The following EVI5 variants were observed in gnomAD, a reference collection of about 807,000 sequenced individuals.
The protein encoded by EVI5 is ecotropic viral integration site 5, also known as ecotropic viral integration site 5 protein homolog.
EVI5 carries 73 observed loss-of-function variants against 112.0 expected under a neutral mutation model. That is an observed-to-expected ratio of 0.65 (90% CI 0.54 to 0.79). The LOEUF is 0.79. Among genes scored for constraint, EVI5 ranks in the 30% least tolerant of loss-of-function variants. The probability of loss-of-function intolerance (pLI) is 0.00; values close to 1 mark genes in which losing one functional copy is unlikely to be tolerated. For missense variants in EVI5, 900 were observed against 968.8 expected (o/e 0.93, Z 0.94); for synonymous variants, 305 against 319.9 (o/e 0.95, Z 0.50).
At chr1:92,628,088 G>A (rs924150527) in intron 14 of EVI5, among the ~76,000 whole-genome samples, 1 of 152,084 alleles carries the variant, frequency 6.6e-6, no homozygotes, top group Admixed American at 6.6e-5. Flanking sequence ...GCACCCAGCC[G>A]ATGTTTAGTA....
intron 19 of EVI5, among the ~76,000 whole-genome samples, chr1:92,535,794 G>A (rs1344582201): frequency 1.3e-5 from 2 of 152,088 alleles, no homozygotes; most frequent in Non-Finnish European, 2.9e-5. Context: ...AGCATTAGGA[G>A]AAATACCTAA....
At chr1:92,552,347 A>C (rs1056791704) in intron 19 of EVI5, among the ~76,000 whole-genome samples, 2 of 152,182 alleles carry the variant, frequency 1.3e-5, no homozygotes, top group African/African-American at 4.8e-5. Flanking sequence ...AGGATATAAC[A>C]ACCATTAATT....
intron 13 of EVI5, among the ~76,000 whole-genome samples, chr1:92,660,002 G>T (rs554708435): frequency 6.6e-6 from 1 of 151,914 alleles, no homozygotes; most frequent in South Asian, 2.1e-4. Flanking sequence ...ATTGCATACC[G>T]TCACTTATAA....
At chr1:92,613,662 C>G (rs1248770046) in intron 16 of EVI5, among the ~76,000 whole-genome samples, 5 of 152,122 alleles carry the variant, frequency 3.3e-5, no homozygotes, top group Non-Finnish European at 7.3e-5. Flanking sequence ...TGTCATAGTT[C>G]ACTACAGCCT....
intron 14 of EVI5, among the ~76,000 whole-genome samples, chr1:92,632,641 T>A (rs1030425426): frequency 2.6e-5 from 4 of 152,208 alleles, no homozygotes; most frequent in African/African-American, 7.2e-5. Context: ...GATTCATTGA[T>A]TTTTTGAAGG....
Position 92,741,662 on chromosome 1 carries a change from T to C in EVI5, c.-81-5035A>G, listed in dbSNP as rs112278595. ...TGTGGAGTTAGCTTGTTTTATAATATAAAGGCTGATCTGACAACTCAGTAT... is the reference window on the plus strand; with the variant it reads ...TGTGGAGTTAGCTTGTTTTATAATACAAAGGCTGATCTGACAACTCAGTAT... On this transcript the variant is annotated intron_variant, in intron 1 of 19. Coordinates refer to ENST00000684568, the MANE Select transcript of EVI5 (RefSeq NM_001350197.2). Among the ~76,000 whole-genome samples, 59 of 152,324 alleles carry C rather than the reference T, an allele frequency of 3.9e-4. 1 individual carries two copies. The highest frequency in any genetic ancestry group is 1.4e-3 in the African/African-American group (58 of 41,576).
At chr1:92,709,597 G>T (rs1304010531) in intron 2 of EVI5, among the ~76,000 whole-genome samples, 1 of 152,040 alleles carries the variant, frequency 6.6e-6, no homozygotes, top group Non-Finnish European at 1.5e-5. Context: ...ATTCTCTAAA[G>T]AAAAACTTTA....
At chr1:92,591,048 C>T (rs1557855220) in intron 18 of EVI5, among the ~76,000 whole-genome samples, 1 of 152,156 alleles carries the variant, frequency 6.6e-6, no homozygotes. Context: ...AAATCCTTTA[C>T]AGACAAGCAA....
At chr1:92,531,929 C>A (rs1288547983) in intron 19 of EVI5, among the ~76,000 whole-genome samples, 1 of 152,168 alleles carries the variant, frequency 6.6e-6, no homozygotes, top group African/African-American at 2.4e-5. Context: ...ATCAAATTCA[C>A]ACATAACAAT....
At chr1:92,694,623 T>C (rs1670017625) in intron 7 of EVI5, among the ~76,000 whole-genome samples, 1 of 152,134 alleles carries the variant, frequency 6.6e-6, no homozygotes. Context: ...TATAAATAAA[T>C]GGGCAGGGTT....
At chr1:92,578,643 G>A (rs190338110) in intron 18 of EVI5, among the ~76,000 whole-genome samples, 2 of 151,630 alleles carry the variant, frequency 1.3e-5, no homozygotes, top group South Asian at 4.2e-4. Context: ...GCGTGAACCC[G>A]GAAGGCAGAG....
intron 9 of EVI5, among the ~76,000 whole-genome samples, chr1:92,683,882 C>T (rs1391363021): frequency 6.6e-6 from 1 of 151,974 alleles, no homozygotes; most frequent in Non-Finnish European, 1.5e-5. Flanking sequence ...AACAAAGACT[C>T]CAAGAAATAT....
At chr1:92,614,704 C>G (rs1179010212) in intron 16 of EVI5, among the ~76,000 whole-genome samples, 3 of 151,750 alleles carry the variant, frequency 2.0e-5, no homozygotes, top group Non-Finnish European at 2.9e-5. Context: ...GCTCTCCTTG[C>G]TCCTCATCTT....
intron 1 of EVI5, among the ~76,000 whole-genome samples, chr1:92,773,320 T>C (rs1220906002): frequency 2.6e-5 from 4 of 152,132 alleles, no homozygotes; most frequent in African/African-American, 9.7e-5. Flanking sequence ...GAACTACTGA[T>C]ATGTACAAGA....
chr1:92,641,232 TTATCTC>T (rs1219956045), intron 13 of EVI5, among the ~76,000 whole-genome samples: 3 of 152,206 alleles, frequency 2.0e-5, no homozygotes, highest in African/African-American at 7.2e-5. Context: ...TTTAAAATGT[TTATCTC>T]TATATATACT....
chr1:92,517,746 T>C (rs1394634162), intron 19 of EVI5, among the ~76,000 whole-genome samples: 2 of 152,292 alleles, frequency 1.3e-5, no homozygotes, highest in East Asian at 3.9e-4. Flanking sequence ...CTGATGCACA[T>C]CTCAGAATAG....
Position 92,590,134 on chromosome 1 carries a change from C to T in EVI5, c.2070+15173G>A, listed in dbSNP as rs549376303. ...ATCTGTACGTCACCATCATCGAAGA[C>T]CAAACGTAGATAAAACCACAAAGAT... On this transcript the variant is annotated intron_variant, in intron 18 of 19. Coordinates refer to ENST00000684568, the MANE Select transcript of EVI5 (RefSeq NM_001350197.2). Among the ~76,000 whole-genome samples, 18 of 152,232 alleles carry T rather than the reference C, an allele frequency of 1.2e-4. 1 individual carries two copies. Among genetic ancestry groups the T allele is most frequent in the Middle Eastern group, 3.4e-3 (1 of 294 alleles).
At chr1:92,676,820 C>T (rs1187036714) in intron 10 of EVI5, among the ~76,000 whole-genome samples, 1 of 152,130 alleles carries the variant, frequency 6.6e-6, no homozygotes, top group Non-Finnish European at 1.5e-5. Flanking sequence ...AGATTACACT[C>T]TTGTTGGTCT....
At chr1:92,527,558 T>A (rs893728884) in intron 19 of EVI5, among the ~76,000 whole-genome samples, 1 of 152,044 alleles carries the variant, frequency 6.6e-6, no homozygotes, top group African/African-American at 2.4e-5. Context: ...CTTACATACA[T>A]AGTCATGAAA....
Sources: allele counts gnomAD v4.1 joint callset (sites outside exome capture counted in the v4.1 genomes callset), GRCh38; gene constraint gnomAD v4.1.1; transcripts MANE v1.5; gene names NCBI Gene and HGNC (gene_info 2026-07-23, HGNC 2026-07-21).